The following CIART variants were observed in gnomAD, a reference collection of about 807,000 sequenced individuals.
The protein encoded by CIART is circadian associated repressor of transcription.
CIART carries 7 observed loss-of-function variants against 22.1 expected under a neutral mutation model. The ratio of observed to expected loss-of-function variants is 0.32; its 90% CI spans 0.18 to 0.59. The LOEUF is 0.59. Ranked by LOEUF, CIART falls within the 20% of genes least tolerant of loss-of-function variation. The pLI is 0.86. For missense variants in CIART, 440 were observed against 478.0 expected, an observed-to-expected ratio of 0.92 and a Z score of 0.74; for synonymous variants, 163 against 174.6, an observed-to-expected ratio of 0.93 and a Z score of 0.53.
Position 150,286,435 on chromosome 1 carries a change from T to C in CIART, c.639T>C (p.Phe213=). The C allele has an allele frequency of 1.9e-6, 3 of 1,575,680 alleles. No individual in the cohort carries two copies. Among genetic ancestry groups the C allele is most frequent in the Non-Finnish European group, 2.6e-6 (3 of 1,145,736 alleles). The change falls in exon 5 of 5, where the codon TTT becomes TTC. Residue 213 remains phenylalanine, a synonymous_variant. Transcript: ENST00000290363. The part of the protein sequence containing the change: ...GGGKHQLTKH[F]PSHHSDSAAS... ...CTCATTTCTCCCCTCTCTAGCATTTTCCAAGCCACCACAGTGATTCAGCTG... is the reference window on the plus strand; with the variant it reads ...CTCATTTCTCCCCTCTCTAGCATTTCCCAAGCCACCACAGTGATTCAGCTG...
At position 150,286,938 on chromosome 1, in the gene CIART, ATCT is replaced by A. The variant is rs372464308; in HGVS notation, c.1146_1148del (p.Leu383del). ...CATCCTCCAGTTGCTGCTGATGCTCATCTTCTCAACCTCTAGCCCAGGGCATAC... is the reference window on the plus strand; with the variant it reads ...CATCCTCCAGTTGCTGCTGATGCTCATCTCAACCTCTAGCCCAGGGCATAC... On this transcript the variant is annotated inframe_deletion, in exon 5 of 5. Transcript: ENST00000290363. 50 of 1,581,062 alleles carry A rather than the reference ATCT, an allele frequency of 3.2e-5. No homozygotes were observed. The Middle Eastern group carries it at 8.5e-4, about 27-fold the overall frequency.
At chr1:150,285,711 G>C (rs1476571087) in intron 4 of CIART, among the ~76,000 whole-genome samples, 1 of 152,048 alleles carries the variant, frequency 6.6e-6, no homozygotes, top group African/African-American at 2.4e-5. Flanking sequence ...AGGCACAGTG[G>C]CTCACTGTAA....
rs782540243 is a variant in CIART, at chr1:150,283,532, A to G, written c.265A>G (p.Met89Val). 7 of 1,614,212 alleles carry G rather than the reference A, an allele frequency of 4.3e-6. No individual in the cohort carries two copies. The South Asian group carries it at 4.4e-5, about 10-fold the overall frequency. The change falls in exon 1 of 5, where the codon ATG becomes GTG. Residue 89 changes from methionine (M) to valine (V), a missense_variant. Met to Val is a conservative substitution (Grantham distance 21). Coordinates refer to ENST00000290363, the MANE Select transcript of CIART (RefSeq NM_144697.4). Reference sequence around the variant, plus strand: ...GAAACAGCGGGGTTCGGCTTCTCCTATGGCAGGATCTGGGGCGAAAAGATC... The same window carrying G: ...GAAACAGCGGGGTTCGGCTTCTCCTGTGGCAGGATCTGGGGCGAAAAGATC... The part of the protein sequence containing the change: ...HPKQRGSASP[M>V]AGSGAKRSRD...
At chr1:150,286,025 C>T (rs1653467445) in intron 4 of CIART, among the ~76,000 whole-genome samples, 1 of 152,112 alleles carries the variant, frequency 6.6e-6, no homozygotes, top group Non-Finnish European at 1.5e-5. Flanking sequence ...TATTAATTTA[C>T]ACTTCTTAAA....
Position 150,284,039 on chromosome 1 carries a change from C to A in CIART, c.442+159C>A, listed in dbSNP as rs910658333. 3.3e-5 allele frequency among the ~76,000 whole-genome samples: 4 copies of A among 121,050 alleles called. No individual in the cohort carries two copies. In the South Asian group the frequency reaches 8.8e-4, roughly 27 times the overall value. The allele number at this position is 121,050 out of a possible 152,430, so 79.4% of individuals were successfully genotyped here. A position where few individuals can be genotyped will look rare whatever the true frequency, so the allele number is the denominator to read the frequency against. On this transcript the variant is annotated intron_variant, in intron 2 of 4. Coordinates refer to ENST00000290363, the MANE Select transcript of CIART (RefSeq NM_144697.4). ...TATTATTATTATTATTATTTTGAGA[C>A]GGAGTTTTGCTCTTGTTGCCCAGGC...
chr1:150,286,599 AC>A lies in CIART; in HGVS notation c.809del (p.Pro270LeufsTer15), dbSNP rs1560055008. ...LTWIHTTPIC[N>X]PPLSSPGTIS... is the part of the protein sequence containing the mutation. Reference sequence around the variant, plus strand: ...TGGATCCACACCACTCCAATTTGCAACCCCCCTCTCAGCTCCCCAGGTACTA... The same window carrying A: ...TGGATCCACACCACTCCAATTTGCAACCCCCTCTCAGCTCCCCAGGTACTA... On this transcript the variant is annotated frameshift_variant, in exon 5 of 5. Coordinates refer to ENST00000290363, the MANE Select transcript of CIART (RefSeq NM_144697.4). LOFTEE classifies it low-confidence loss of function (END_TRUNC). 1 of 1,608,374 alleles carries A rather than the reference AC, an allele frequency of 6.2e-7. No homozygotes were observed. Among genetic ancestry groups the A allele is most frequent in the South Asian group, 1.1e-5 (1 of 90,960 alleles).
At chr1:150,283,908 C>T (rs1553854106) in intron 2 of CIART, 28 bp downstream of exon 2, 2 of 1,509,612 alleles carry the variant, frequency 1.3e-6, no homozygotes, top group Non-Finnish European at 1.8e-6. Flanking sequence ...TTCATTTGGG[C>T]TAGGTTCATT....
Position 150,283,745 on chromosome 1 carries a change from G to C in CIART, c.367-60G>C, listed in dbSNP as rs587593879. The C allele has an allele frequency of 3.0e-5, 47 of 1,549,368 alleles. No individual in the cohort carries two copies. The African/African-American group carries it at 5.2e-4, about 17-fold the overall frequency. ...TCCCAGATTTGGAGGTGAAGGAAGA[G>C]CCACTGCTGGTGTGGGCAGTTTTTT... On this transcript the variant is annotated intron_variant, in intron 1 of 4. Transcript: ENST00000290363.
At chr1:150,284,052 T>A (rs1553854154) in intron 2 of CIART, among the ~76,000 whole-genome samples, 172 bp downstream of exon 2, 1 of 151,252 alleles carries the variant, frequency 6.6e-6, no homozygotes, top group Non-Finnish European at 1.5e-5. Flanking sequence ...AGTTTTGCTC[T>A]TGTTGCCCAG....
rs143011030 is a variant in CIART at position 150,286,701 on chromosome 1, C to A, written c.905C>A (p.Pro302His). 4,404 of 1,614,078 alleles carry A rather than the reference C, an allele frequency of 2.7e-3. 10 individuals carry two copies. The highest frequency in any genetic ancestry group is 3.1e-3 in the Non-Finnish European group (3,675 of 1,179,942). Residue 302 changes from proline (P) to histidine (H), a missense_variant, in exon 5 of 5, where the codon CCC becomes CAC. Physicochemically the swap from Pro to His is moderately conservative, Grantham distance 77. Coordinates refer to ENST00000290363, the MANE Select transcript of CIART (RefSeq NM_144697.4). ...CTTTTCCTCCAGCATGGAGTGCAAC[C>A]CTTCACCCACTCTGCCCCAACCACC... ...VILFLQHGVQPFTHSAPTTPV... is the reference protein window; with the variant it reads ...VILFLQHGVQHFTHSAPTTPV...
chr1:150,286,429 G>C lies in CIART; in HGVS notation c.634-1G>C, dbSNP rs1653487194. 1.3e-6 allele frequency: 2 copies of C among 1,568,110 alleles called. No individual in the cohort carries two copies. The highest frequency in any genetic ancestry group is 2.7e-5 in the African/African-American group (2 of 73,564). Reference sequence around the variant, plus strand: ...TTTTTTCTCATTTCTCCCCTCTCTAGCATTTTCCAAGCCACCACAGTGATT... The same window carrying C: ...TTTTTTCTCATTTCTCCCCTCTCTACCATTTTCCAAGCCACCACAGTGATT... On this transcript the variant is annotated splice_acceptor_variant, in intron 4 of 4. Coordinates refer to ENST00000290363, the MANE Select transcript of CIART (RefSeq NM_144697.4). LOFTEE classifies it high-confidence loss of function.
In CIART at chr1:150,287,029, A is replaced by G. The variant is rs1653541786; in HGVS notation, c.*75A>G. 3 of 1,339,390 alleles carry G rather than the reference A, an allele frequency of 2.2e-6. 1 individual carries two copies. The South Asian group carries it at 5.0e-5, about 22-fold the overall frequency. The allele number at this position is 1,339,390 out of a possible 1,614,324, so 83.0% of individuals were successfully genotyped here. On this transcript the variant is annotated 3_prime_UTR_variant, in exon 5 of 5. Coordinates refer to ENST00000290363, the MANE Select transcript of CIART (RefSeq NM_144697.4). ...ATGTATATATGTATTTTTACTATTA[A>G]TGTGTGCATTTGTGTTGAGGGAAGA...
At chr1:150,284,184 A>C (rs587646179) in intron 2 of CIART, among the ~76,000 whole-genome samples, 40 of 151,670 alleles carry the variant, frequency 2.6e-4, no homozygotes, top group South Asian at 2.1e-3. Context: ...TGCCCAGCTA[A>C]TTTTTGTTAT....
rs201913309 is a variant in CIART at position 150,283,302 on chromosome 1, C to A, written c.35C>A (p.Ser12Tyr). The A allele has an allele frequency of 1.9e-4, 285 of 1,532,858 alleles. No homozygotes were observed. Among genetic ancestry groups the A allele is most frequent in the Non-Finnish European group, 2.4e-4 (271 of 1,142,098 alleles). The allele number at this position is 1,532,858 out of a possible 1,614,324, so 95.0% of individuals were successfully genotyped here. Residue 12 changes from serine to tyrosine, a missense_variant, in exon 1 of 5, where the codon TCC (serine) becomes TAC (tyrosine). Physicochemically the swap from Ser to Tyr is moderately radical, Grantham distance 144. Transcript: ENST00000290363. ...DSPSSVSSYS[S>Y]YSLSSSFPTS... The stretch of plus-strand genomic sequence containing the variant: ...CCATCTAGCGTTTCTTCCTATTCCT[C>A]CTACTCTCTCTCTTCGTCTTTTCCC...
chr1:150,283,969 G>T (rs1653318630), intron 2 of CIART, 89 bp downstream of exon 2: 4 of 927,632 alleles, frequency 4.3e-6, no homozygotes, highest in Non-Finnish European at 6.8e-6. Flanking sequence ...GTTCTTGTTT[G>T]GGGCCTATAT....
rs782463177 is a variant in CIART, at chr1:150,283,873, T to C, written c.435T>C (p.Phe145=). Residue 145 remains phenylalanine, a synonymous_variant, in exon 2 of 5, where the codon TTT becomes TTC. Coordinates refer to ENST00000290363, the MANE Select transcript of CIART (RefSeq NM_144697.4). ...DLLNGLKMGR[F]ERGLSSFQQS... ...TCAATGGGCTGAAGATGGGTCGTTT[T>C]GAGAGAGGTAATCTTATTGTTGCAT... 1 of 1,571,910 alleles carries C rather than the reference T, an allele frequency of 6.4e-7. No individual in the cohort carries two copies. The highest frequency in any genetic ancestry group is 1.1e-5 in the South Asian group (1 of 89,758).
intron 1 of CIART, 57 bp downstream of exon 1, chr1:150,283,690 T>C: frequency 6.3e-7 from 1 of 1,586,028 alleles, no homozygotes; most frequent in Non-Finnish European, 8.7e-7. Context: ...CCCAGCTGGT[T>C]GATAAGGACC....
Position 150,283,263 on chromosome 1 carries a change from G to A in CIART, c.-5G>A. On this transcript the variant is annotated 5_prime_UTR_variant, in exon 1 of 5. Transcript: ENST00000290363. The stretch of plus-strand genomic sequence containing the variant: ...AGCTGTTCTATAGCCCCTGCTTCTG[G>A]ACCTATGGATTCTCCATCTAGCGTT... 1 of 1,515,114 alleles carries A rather than the reference G, an allele frequency of 6.6e-7. No homozygotes were observed. 93.9% of individuals were successfully genotyped at this position (1,515,114 alleles called of 1,614,324 possible). A position where few individuals can be genotyped will look rare whatever the true frequency, so the allele number is the denominator to read the frequency against.
chr1:150,283,839 C>T lies in CIART; in HGVS notation c.401C>T (p.Thr134Ile). 2 of 1,596,254 alleles carry T rather than the reference C, an allele frequency of 1.3e-6. No homozygotes were observed. Among genetic ancestry groups the T allele is most frequent in the Non-Finnish European group, 1.7e-6 (2 of 1,164,120 alleles). The change falls in exon 2 of 5, where the codon ACA (threonine) becomes ATA (isoleucine). Residue 134 changes from threonine (T) to isoleucine (I), a missense_variant. Coordinates refer to ENST00000290363, the MANE Select transcript of CIART (RefSeq NM_144697.4). ...CTCCAAGGATTTATACCTCCTCTCA[C>T]AGACCTACTCAATGGGCTGAAGATG... ...KELQGFIPPLTDLLNGLKMGR... is the reference protein window; with the variant it reads ...KELQGFIPPLIDLLNGLKMGR...
Sources: gnomAD v4.1 joint callset for allele counts (sites outside exome capture counted in the v4.1 genomes callset) on GRCh38, gnomAD v4.1.1 for gene constraint, MANE v1.5 for transcripts, NCBI Gene and HGNC (gene_info 2026-07-23, HGNC 2026-07-21) for gene names.